The following SEMA5B variants were observed in gnomAD, a reference collection of about 807,000 sequenced individuals.
SEMA5B encodes the protein semaphorin-5B.
In SEMA5B, 66 loss-of-function variants were observed where a neutral mutation model predicts 135.0. The observed-to-expected ratio is 0.49, with a 90% confidence interval of 0.40 to 0.60. The LOEUF is 0.60. Ranked by LOEUF, SEMA5B falls within the 20% of genes least tolerant of loss-of-function variation. SEMA5B has a pLI of 0.00. For synonymous variants in SEMA5B, 690 were observed against 639.5 expected, an observed-to-expected ratio of 1.08 and a Z score of -1.19; for missense variants, 1,501 against 1,566.3, an observed-to-expected ratio of 0.96 and a Z score of 0.70.
Position 122,912,080 on chromosome 3 carries a change from T to C in SEMA5B, c.2897-11A>G. 1 of 1,605,088 alleles carries C rather than the reference T, an allele frequency of 6.2e-7. No individual in the cohort carries two copies. Among genetic ancestry groups the C allele is most frequent in the Non-Finnish European group, 8.5e-7 (1 of 1,173,188 alleles). ...AGGGCGACCAGCCTTCTGGGGATTG[T>C]GGGTAGGATGAGGTTAACTGCCCAG... On this transcript the variant is annotated splice_polypyrimidine_tract_variant and intron_variant, in intron 19 of 22. Coordinates refer to ENST00000357599, the MANE Select transcript of SEMA5B (RefSeq NM_001031702.4).
chr3:122,957,836 G>A (rs532438886), intron 2 of SEMA5B, among the ~76,000 whole-genome samples: 1 of 152,196 alleles, frequency 6.6e-6, no homozygotes, highest in Non-Finnish European at 1.5e-5. Flanking sequence ...CATCCTCCCT[G>A]GAGGACAAAC....
chr3:122,985,434 T>C (rs9856455), intron 1 of SEMA5B, among the ~76,000 whole-genome samples: 26,224 of 151,620 alleles, frequency 0.17, 3,869 homozygotes, highest in African/African-American at 0.41. Context: ...AGCCCAGGAG[T>C]TGGAGACTGC....
Position 122,943,324 on chromosome 3 carries a change from G to C in SEMA5B, c.428+112C>G, listed in dbSNP as rs944070881. 15 of 704,280 alleles carry C rather than the reference G, an allele frequency of 2.1e-5. No individual in the cohort carries two copies. The East Asian group carries it at 3.8e-4, about 18-fold the overall frequency. 43.6% of individuals were successfully genotyped at this position (704,280 alleles called of 1,614,324 possible). ...CCACAAGGAGAGGGCCCAGCAGAGA[G>C]GATGGGGCCCAGCACGCGGGGCTGC... On this transcript the variant is annotated intron_variant, in intron 4 of 22. Coordinates refer to ENST00000357599, the MANE Select transcript of SEMA5B (RefSeq NM_001031702.4).
At chr3:122,914,304 G>A (rs1271896752) in intron 14 of SEMA5B, among the ~76,000 whole-genome samples, 1 of 152,236 alleles carries the variant, frequency 6.6e-6, no homozygotes, top group Admixed American at 6.5e-5. Flanking sequence ...CTTTAGAGAA[G>A]AAGGCCCTAG....
At chr3:123,027,955 G>A (rs947147944), upstream of SEMA5B, 2 of 152,186 alleles carry the variant, frequency 1.3e-5, no homozygotes, top group African/African-American at 4.8e-5. Flanking sequence ...GCGGCTGCTC[G>A]GCCGACTCCC....
rs1300348404 is a variant in SEMA5B, at chr3:122,932,824, T to C, written c.475-3766A>G. ...AAAACCTAACACTGAGCTCAGGTGA[T>C]CCTCTTGCCTCAGCCTTCCAAGTAG... On this transcript the variant is annotated intron_variant, in intron 5 of 22. Transcript: ENST00000357599. 2.6e-5 allele frequency among the ~76,000 whole-genome samples: 4 copies of C among 152,164 alleles called. No homozygotes were observed. The South Asian group carries it at 6.2e-4, about 24-fold the overall frequency.
intron 1 of SEMA5B, among the ~76,000 whole-genome samples, chr3:122,999,644 A>T (rs1365901243): frequency 1.3e-5 from 2 of 151,602 alleles, no homozygotes; most frequent in African/African-American, 4.9e-5. Context: ...GGCAGCAAGG[A>T]CCCTCCCTTT....
intron 1 of SEMA5B, among the ~76,000 whole-genome samples, chr3:122,975,557 C>G (rs1576382882): frequency 2.6e-5 from 4 of 152,268 alleles, no homozygotes; most frequent in Admixed American, 1.3e-4. Context: ...TAAAACCACA[C>G]AGGGCAGTTG....
At chr3:122,977,582 G>C (rs1428379422) in intron 1 of SEMA5B, among the ~76,000 whole-genome samples, 3 of 152,174 alleles carry the variant, frequency 2.0e-5, no homozygotes, top group African/African-American at 7.2e-5. Flanking sequence ...TACCTAGCCA[G>C]CCTCTCATGC....
At chr3:122,987,459 T>C (rs1384141066) in intron 1 of SEMA5B, among the ~76,000 whole-genome samples, 1 of 152,204 alleles carries the variant, frequency 6.6e-6, no homozygotes, top group African/African-American at 2.4e-5. Context: ...AGAGGTCCTC[T>C]CCCTCAAACT....
intron 1 of SEMA5B, among the ~76,000 whole-genome samples, chr3:122,972,865 A>G (rs572569962): frequency 6.6e-6 from 1 of 152,316 alleles, no homozygotes; most frequent in South Asian, 2.1e-4. Context: ...CCAAATGCTC[A>G]GAGTGGGAAG....
intron 1 of SEMA5B, among the ~76,000 whole-genome samples, chr3:123,018,191 G>A (rs577091938): frequency 3.3e-5 from 5 of 152,224 alleles, no homozygotes; most frequent in Non-Finnish European, 7.3e-5. Context: ...GCAAAAACCA[G>A]GCAGCAGAAC....
chr3:122,920,735 T>C (rs1387742765), intron 12 of SEMA5B, among the ~76,000 whole-genome samples: 3 of 152,354 alleles, frequency 2.0e-5, no homozygotes, highest in African/African-American at 7.2e-5. Context: ...CAGGTGTGTC[T>C]GGTTCCACCA....
chr3:122,983,309 T>A lies in SEMA5B; in HGVS notation c.-38-22008A>T, dbSNP rs574653779. On this transcript the variant is annotated intron_variant, in intron 1 of 22. Transcript: ENST00000357599. ...TTTTTTTTCTCTGTCCTCATGTCAC[T>A]TATTTCTAGTATTCTAAAATCCTGA... Among the ~76,000 whole-genome samples the A allele has an allele frequency of 5.3e-5, 8 of 152,312 alleles. No homozygotes were observed. The South Asian group carries it at 1.2e-3, about 24-fold the overall frequency.
At chr3:122,976,798 C>G (rs780954050) in intron 1 of SEMA5B, among the ~76,000 whole-genome samples, 7 of 152,172 alleles carry the variant, frequency 4.6e-5, no homozygotes, top group Non-Finnish European at 1.0e-4. Context: ...ACCTGTAATT[C>G]CAGCACTTTG....
chr3:123,028,542 T>C (rs1576418085), upstream of SEMA5B: 1 of 150,484 alleles, frequency 6.6e-6, no homozygotes, highest in South Asian at 2.1e-4. Flanking sequence ...TCCGGGGAGG[T>C]GGTGGAGCGT....
chr3:122,976,026 G>C, intron 1 of SEMA5B: 1 of 1,534,620 alleles, frequency 6.5e-7, no homozygotes, highest in East Asian at 2.4e-5. Context: ...CTGCTTGCCC[G>C]TCCCTGTAGA....
chr3:122,981,580 C>T (rs143589100), intron 1 of SEMA5B, among the ~76,000 whole-genome samples: 5 of 152,208 alleles, frequency 3.3e-5, no homozygotes, highest in African/African-American at 1.2e-4. Context: ...CTCTTCTCAA[C>T]GAACTCCTGA....
chr3:122,981,809 G>A (rs1277052161), intron 1 of SEMA5B, among the ~76,000 whole-genome samples: 1 of 144,430 alleles, frequency 6.9e-6, no homozygotes, highest in Admixed American at 6.7e-5. Flanking sequence ...AGAAGCAGAA[G>A]GGGGTCTCAT....
Sources: gnomAD v4.1 joint callset for allele counts (sites outside exome capture counted in the v4.1 genomes callset) on GRCh38, gnomAD v4.1.1 for gene constraint, MANE v1.5 for transcripts, NCBI Gene and HGNC (gene_info 2026-07-23, HGNC 2026-07-21) for gene names.